Variants in SLC4A10 observed in about 807,000 individuals in gnomAD.
SLC4A10 encodes solute carrier family 4 member 10, also known as sodium-driven chloride bicarbonate exchanger.
Under a neutral mutation model 137.7 loss-of-function variants are expected in SLC4A10, and 42 were observed. The observed-to-expected ratio is 0.30, with a 90% CI of 0.24 to 0.39. SLC4A10 has a LOEUF of 0.39. Ranked by LOEUF, SLC4A10 falls within the 10% of genes least tolerant of loss-of-function variation. The probability of loss-of-function intolerance (pLI) is 1.00; values close to 1 mark genes in which losing one functional copy is unlikely to be tolerated. For synonymous variants in SLC4A10, 474 were observed against 464.1 expected (o/e 1.02, Z -0.27); for missense variants, 925 against 1,355.0 (o/e 0.68, Z 4.98).
chr2:161,889,999 A>G (rs2062748140), intron 10 of SLC4A10, among the ~76,000 whole-genome samples: 1 of 152,130 alleles, frequency 6.6e-6, no homozygotes, highest in Non-Finnish European at 1.5e-5. Context: ...CTTTGTTCTC[A>G]TTGGTTTCAA....
chr2:161,903,186 C>T (rs1449537968), intron 12 of SLC4A10, among the ~76,000 whole-genome samples: 1 of 152,062 alleles, frequency 6.6e-6, no homozygotes, highest in African/African-American at 2.4e-5. Context: ...AATACTTTTC[C>T]CCCAAAATAA....
chr2:161,859,716 T>C (rs1222000161), intron 5 of SLC4A10, among the ~76,000 whole-genome samples: 4 of 144,380 alleles, frequency 2.8e-5, no homozygotes, highest in African/African-American at 1.0e-4. Flanking sequence ...TTCCCCTGCC[T>C]CAACCTCCCG....
intron 6 of SLC4A10, among the ~76,000 whole-genome samples, 155 bp from the exon 7 acceptor site, chr2:161,872,138 A>G (rs1292544933): frequency 6.6e-6 from 1 of 152,212 alleles, no homozygotes; most frequent in East Asian, 1.9e-4. Flanking sequence ...GAATGTTTGT[A>G]TTAATATAGA....
At chr2:161,839,264 A>T (rs1225275647) in intron 3 of SLC4A10, among the ~76,000 whole-genome samples, 1 of 152,262 alleles carries the variant, frequency 6.6e-6, no homozygotes, top group African/African-American at 2.4e-5. Flanking sequence ...GCAAAGGCAA[A>T]GCTAGCAGCA....
At chr2:161,684,596 T>A (rs2041195096) in intron 1 of SLC4A10, among the ~76,000 whole-genome samples, 1 of 152,208 alleles carries the variant, frequency 6.6e-6, no homozygotes, top group South Asian at 2.1e-4. Context: ...CTTATCTAGT[T>A]ATGTTACCTT....
chr2:161,954,122 T>C (rs1181447281), intron 19 of SLC4A10, among the ~76,000 whole-genome samples: 1 of 152,222 alleles, frequency 6.6e-6, no homozygotes, highest in Non-Finnish European at 1.5e-5. Context: ...AGTAAATGAA[T>C]GCATTTGCAA....
At chr2:161,797,555 T>C (rs1250875031) in intron 2 of SLC4A10, among the ~76,000 whole-genome samples, 1 of 152,054 alleles carries the variant, frequency 6.6e-6, no homozygotes, top group Non-Finnish European at 1.5e-5. Flanking sequence ...TTTACTGATT[T>C]GCACTCCTGG....
chr2:161,896,744 A>AG (rs1280883733), intron 11 of SLC4A10, among the ~76,000 whole-genome samples: 6 of 152,134 alleles, frequency 3.9e-5, no homozygotes, highest in Non-Finnish European at 5.9e-5. Flanking sequence ...CTAAGGCAGA[A>AG]GGGGCATGAA....
At chr2:161,822,926 G>C (rs913477362) in intron 3 of SLC4A10, among the ~76,000 whole-genome samples, 1 of 152,132 alleles carries the variant, frequency 6.6e-6, no homozygotes. Context: ...AGTGAGCCAA[G>C]ACAGTGCCAC....
chr2:161,788,060 G>A (rs80175053), intron 2 of SLC4A10, among the ~76,000 whole-genome samples: 4,132 of 152,030 alleles, frequency 0.027, 174 homozygotes, highest in African/African-American at 0.094. Context: ...GCTATTGTTT[G>A]AATGGGACTT....
intron 3 of SLC4A10, among the ~76,000 whole-genome samples, chr2:161,823,555 C>T (rs926225762): frequency 2.0e-5 from 3 of 152,168 alleles, no homozygotes; most frequent in Admixed American, 6.5e-5. Context: ...CAGTGATGCT[C>T]GAAGTGCTCC....
At chr2:161,805,769 C>T (rs1450291379) in intron 3 of SLC4A10, among the ~76,000 whole-genome samples, 1 of 152,202 alleles carries the variant, frequency 6.6e-6, no homozygotes, top group Non-Finnish European at 1.5e-5. Flanking sequence ...CTTTCATGGG[C>T]TGGCGTTGAG....
chr2:161,815,102 G>A (rs1185533780), intron 3 of SLC4A10, among the ~76,000 whole-genome samples: 1 of 152,050 alleles, frequency 6.6e-6, no homozygotes, highest in Non-Finnish European at 1.5e-5. Context: ...CAGAAATGCA[G>A]AATCTCAGGC....
intron 1 of SLC4A10, among the ~76,000 whole-genome samples, chr2:161,745,089 G>T (rs184870435): frequency 1.3e-5 from 2 of 152,046 alleles, no homozygotes; most frequent in African/African-American, 4.8e-5. Context: ...TTTGAATATT[G>T]ATATTTTTCT....
chr2:161,666,524 A>G (rs1449502609), intron 1 of SLC4A10, among the ~76,000 whole-genome samples: 1 of 151,730 alleles, frequency 6.6e-6, no homozygotes, highest in Non-Finnish European at 1.5e-5. Context: ...CTACCTAATT[A>G]ACATACTTTA....
chr2:161,850,066 A>G (rs964280149), intron 4 of SLC4A10, among the ~76,000 whole-genome samples: 1 of 151,782 alleles, frequency 6.6e-6, no homozygotes, highest in African/African-American at 2.4e-5. Flanking sequence ...CAAGTTTGGA[A>G]CTCATTATTG....
At chr2:161,836,522 G>A (rs56397495) in intron 3 of SLC4A10, among the ~76,000 whole-genome samples, 47 of 82,876 alleles carry the variant, frequency 5.7e-4, no homozygotes, top group East Asian at 1.6e-3. Context: ...GAAAGAAAGA[G>A]AGAGAGAGAG....
At chr2:161,873,872 G>A (rs746668855) in intron 7 of SLC4A10, 44 bp from the exon 8 acceptor site, 3 of 1,560,418 alleles carry the variant, frequency 1.9e-6, no homozygotes, top group South Asian at 2.3e-5. Flanking sequence ...GAGTCTCCGT[G>A]GGAGCATGGT....
At chr2:161,630,168 C>T (rs888631037) in intron 1 of SLC4A10, among the ~76,000 whole-genome samples, 2 of 151,850 alleles carry the variant, frequency 1.3e-5, no homozygotes, top group South Asian at 2.1e-4. Flanking sequence ...GAGAGTTCCT[C>T]TTGCTCCACA....
Sources: gnomAD v4.1 joint callset for allele counts (sites outside exome capture counted in the v4.1 genomes callset) on GRCh38, gnomAD v4.1.1 for gene constraint, MANE v1.5 for transcripts, NCBI Gene and HGNC (gene_info 2026-07-23, HGNC 2026-07-21) for gene names.